The following DENND4C variants were observed in gnomAD, a reference collection of about 807,000 sequenced individuals.
DENND4C encodes DENN domain-containing protein 4C.
Under a neutral mutation model 203.0 loss-of-function variants are expected in DENND4C, and 108 were observed. That is an observed-to-expected ratio of 0.53 (90% CI 0.46 to 0.62). DENND4C has a LOEUF of 0.62. Ranked by LOEUF, DENND4C falls within the 20% of genes least tolerant of loss-of-function variation. The pLI, the probability that DENND4C is intolerant of heterozygous loss-of-function variation, is 0.00. For missense variants in DENND4C, 2,481 were observed against 2,301.2 expected, an observed-to-expected ratio of 1.08 and a Z score of -1.60; for synonymous variants, 871 against 792.4, an observed-to-expected ratio of 1.10 and a Z score of -1.67.
rs541565372 is a variant in DENND4C, at chr9:19,314,672, A to C, written c.1488-1745A>C. On this transcript the variant is annotated intron_variant, in intron 10 of 32. Transcript: ENST00000434457. Reference sequence around the variant, plus strand: ...GAAAAAAAAACTGCATGTGAACTGCACTGAGTGCTAAAGAAAAATAATACA... The same window carrying C: ...GAAAAAAAAACTGCATGTGAACTGCCCTGAGTGCTAAAGAAAAATAATACA... 9.2e-5 allele frequency among the ~76,000 whole-genome samples: 14 copies of C among 152,352 alleles called. No homozygotes were observed. The East Asian group carries it at 2.1e-3, about 23-fold the overall frequency.
chr9:19,282,160 CTT>C (rs1365294394), intron 2 of DENND4C, among the ~76,000 whole-genome samples: 2 of 40,104 alleles, frequency 5.0e-5, no homozygotes, highest in African/African-American at 1.1e-4. Context: ...GTTTAAAACA[CTT>C]ACCATACAGC....
chr9:19,289,828 C>CCAA (rs1697160081), intron 4 of DENND4C, among the ~76,000 whole-genome samples: 1 of 126,776 alleles, frequency 7.9e-6, no homozygotes, highest in South Asian at 2.6e-4. Flanking sequence ...GATCCTGTCT[C>CCAA]AAAAAAAAAA....
intron 25 of DENND4C, 89 bp downstream of exon 25, chr9:19,352,271 T>G: frequency 8.0e-7 from 1 of 1,253,896 alleles, no homozygotes; most frequent in Admixed American, 2.0e-5. Context: ...AAGATACCCT[T>G]GTGGACAGTA....
Position 19,267,778 on chromosome 9 carries a change from A to G in DENND4C, c.-17-8380A>G, listed in dbSNP as rs541254388. On this transcript the variant is annotated intron_variant, in intron 1 of 32. Coordinates refer to ENST00000434457, the MANE Select transcript of DENND4C (RefSeq NM_001330640.2). Reference sequence around the variant, plus strand: ...AGTCTCAAATTCCTGGGGTCTAGCAATCCTCCTGCATCAGCCTCCTAAAGT... The same window carrying G: ...AGTCTCAAATTCCTGGGGTCTAGCAGTCCTCCTGCATCAGCCTCCTAAAGT... Among the ~76,000 whole-genome samples the G allele has an allele frequency of 4.6e-5, 7 of 152,148 alleles. No individual in the cohort carries two copies. In the South Asian group the frequency reaches 8.3e-4, roughly 18 times the overall value.
chr9:19,300,469 A>T (rs1838330605), intron 9 of DENND4C, 138 bp downstream of exon 9: 1 of 764,550 alleles, frequency 1.3e-6, no homozygotes, highest in Non-Finnish European at 1.9e-6. Context: ...CCAGCCCAGT[A>T]AAAGTTGAAT....
At chr9:19,328,625 A>G (rs1257700107) in intron 16 of DENND4C, among the ~76,000 whole-genome samples, 1 of 146,508 alleles carries the variant, frequency 6.8e-6, no homozygotes, top group Non-Finnish European at 1.5e-5. Flanking sequence ...AAAAAAGTCT[A>G]TATATGTGTC....
At chr9:19,240,092 T>A (rs1295198054) in intron 1 of DENND4C, among the ~76,000 whole-genome samples, 1 of 152,208 alleles carries the variant, frequency 6.6e-6, no homozygotes, top group Non-Finnish European at 1.5e-5. Flanking sequence ...ACTTTGATAC[T>A]CTCTTGTTAG....
chr9:19,320,478 C>T (rs1273093433), intron 12 of DENND4C, among the ~76,000 whole-genome samples: 1 of 152,158 alleles, frequency 6.6e-6, no homozygotes, highest in Non-Finnish European at 1.5e-5. Context: ...GGATTACAGG[C>T]GTGAGCCACT....
intron 10 of DENND4C, among the ~76,000 whole-genome samples, chr9:19,309,603 C>G (rs1346863268): frequency 6.6e-6 from 1 of 151,860 alleles, no homozygotes; most frequent in Non-Finnish European, 1.5e-5. Context: ...TGGTGAATCC[C>G]CTTACTCCTG....
chr9:19,269,662 AT>A (rs1831222268), intron 1 of DENND4C, among the ~76,000 whole-genome samples: 1 of 152,164 alleles, frequency 6.6e-6, no homozygotes, highest in Non-Finnish European at 1.5e-5. Context: ...TCTCTGTATT[AT>A]CTTGAATTTC....
chr9:19,245,627 C>A (rs891964843), intron 1 of DENND4C, among the ~76,000 whole-genome samples: 1 of 152,026 alleles, frequency 6.6e-6, no homozygotes, highest in South Asian at 2.1e-4. Flanking sequence ...AAGGCCGAGG[C>A]GGGTGGATCA....
rs34455768 is a variant in DENND4C, at chr9:19,359,120, A to AT, written c.5160+966dup. Among the ~76,000 whole-genome samples the AT allele has an allele frequency of 1.7e-3, 259 of 151,710 alleles. 1 individual carries two copies. Among genetic ancestry groups the AT allele is most frequent in the Non-Finnish European group, 2.8e-3 (189 of 67,966 alleles). On this transcript the variant is annotated intron_variant, in intron 28 of 32. Transcript: ENST00000434457. ...AGTGGAAAGGCAGGTTAAATGCTTG[A>AT]TTTTTTCCTTTTATTTAGAGTTTTC...
At chr9:19,275,011 C>G (rs531812826) in intron 1 of DENND4C, among the ~76,000 whole-genome samples, 12 of 152,150 alleles carry the variant, frequency 7.9e-5, no homozygotes, top group African/African-American at 2.9e-4. Flanking sequence ...GAGTCTTGCT[C>G]TGTTGTCCAG....
intron 1 of DENND4C, among the ~76,000 whole-genome samples, chr9:19,235,828 G>C (rs1475301961): frequency 2.0e-5 from 3 of 151,860 alleles, no homozygotes; most frequent in East Asian, 3.9e-4. Flanking sequence ...TCGATCTTTT[G>C]ACCTTGTGAT....
intron 6 of DENND4C, among the ~76,000 whole-genome samples, chr9:19,297,191 A>G (rs1837643283): frequency 6.6e-6 from 1 of 152,216 alleles, no homozygotes; most frequent in South Asian, 2.1e-4. Context: ...TGTTTCTTAC[A>G]ATTTCAGAAC....
intron 12 of DENND4C, among the ~76,000 whole-genome samples, chr9:19,323,180 A>G (rs1415942157): frequency 1.3e-5 from 2 of 152,190 alleles, no homozygotes; most frequent in Non-Finnish European, 2.9e-5. Flanking sequence ...CACGCCTGTA[A>G]TCCCAGAACT....
At chr9:19,230,869 C>G (rs932685547) in intron 1 of DENND4C, 36 bp downstream of exon 1, 9 of 152,470 alleles carry the variant, frequency 5.9e-5, no homozygotes, top group Admixed American at 4.6e-4. Context: ...GCGGAGGAAG[C>G]CTGCGCCGTG....
chr9:19,367,916 T>G (rs1315391376), intron 30 of DENND4C, among the ~76,000 whole-genome samples: 3 of 152,198 alleles, frequency 2.0e-5, no homozygotes, highest in Non-Finnish European at 2.9e-5. Flanking sequence ...ATTATTCCAT[T>G]TATATGAAAT....
At chr9:19,245,347 G>A (rs539512451) in intron 1 of DENND4C, among the ~76,000 whole-genome samples, 1 of 151,730 alleles carries the variant, frequency 6.6e-6, no homozygotes, top group Non-Finnish European at 1.5e-5. Flanking sequence ...GGCACCTGTA[G>A]TCCCAGCTAC....
Sources: allele counts gnomAD v4.1 joint callset (sites outside exome capture counted in the v4.1 genomes callset), GRCh38; gene constraint gnomAD v4.1.1; transcripts MANE v1.5; gene names NCBI Gene and HGNC (gene_info 2026-07-23, HGNC 2026-07-21).